The following CNTNAP2 variants were observed in gnomAD, a reference collection of about 807,000 sequenced individuals.
The protein encoded by CNTNAP2 is contactin-associated protein-like 2.
CNTNAP2 carries 98 observed loss-of-function variants against 155.2 expected under a neutral mutation model. The observed-to-expected ratio is 0.63, with a 90% confidence interval of 0.54 to 0.75. The LOEUF is 0.75. Among genes scored for constraint, CNTNAP2 ranks in the 30% least tolerant of loss-of-function variants. The probability of loss-of-function intolerance (pLI) is 0.00; values close to 1 mark genes in which losing one functional copy is unlikely to be tolerated. For missense variants in CNTNAP2, 1,727 were observed against 1,688.1 expected (o/e 1.02, Z -0.40); for synonymous variants, 651 against 631.2 (o/e 1.03, Z -0.47).
At chr7:146,676,715 T>TCTTA (rs1459774074) in intron 1 of CNTNAP2, among the ~76,000 whole-genome samples, 1 of 152,140 alleles carries the variant, frequency 6.6e-6, no homozygotes, top group Non-Finnish European at 1.5e-5. Flanking sequence ...AAAAGGCTCA[T>TCTTA]CTTACATGGT....
intron 3 of CNTNAP2, among the ~76,000 whole-genome samples, chr7:146,915,248 T>A (rs1381837778): frequency 6.6e-6 from 1 of 152,124 alleles, no homozygotes; most frequent in Non-Finnish European, 1.5e-5. Flanking sequence ...GGTAATGTAA[T>A]GCCTCTAGAT....
At chr7:147,205,342 G>T (rs567080755) in intron 8 of CNTNAP2, among the ~76,000 whole-genome samples, 75 of 151,994 alleles carry the variant, frequency 4.9e-4, no homozygotes, top group South Asian at 1.2e-3. Context: ...TGGCTATTCT[G>T]GGTATTTTGT....
At chr7:147,029,439 G>A (rs1449536728) in intron 3 of CNTNAP2, among the ~76,000 whole-genome samples, 1 of 152,120 alleles carries the variant, frequency 6.6e-6, no homozygotes, top group Non-Finnish European at 1.5e-5. Flanking sequence ...GTTTAAGAGA[G>A]CATGGAAGAG....
intron 8 of CNTNAP2, among the ~76,000 whole-genome samples, chr7:147,142,684 A>G (rs573184151): frequency 6.6e-6 from 1 of 152,312 alleles, no homozygotes; most frequent in Non-Finnish European, 1.5e-5. Context: ...GCACACCAAC[A>G]TGGCACATGT....
intron 1 of CNTNAP2, among the ~76,000 whole-genome samples, chr7:146,161,856 C>T (rs1478178668): frequency 6.6e-6 from 1 of 152,062 alleles, no homozygotes; most frequent in African/African-American, 2.4e-5. Flanking sequence ...GAAATAATAC[C>T]ACACATCTAC....
chr7:146,592,387 A>G (rs1291308117), intron 1 of CNTNAP2, among the ~76,000 whole-genome samples: 1 of 152,232 alleles, frequency 6.6e-6, no homozygotes, highest in East Asian at 1.9e-4. Flanking sequence ...TGTGGACCAG[A>G]TGGTCCCAAA....
chr7:147,063,193 A>G (rs1268151242), intron 4 of CNTNAP2, among the ~76,000 whole-genome samples: 1 of 152,220 alleles, frequency 6.6e-6, no homozygotes, highest in Non-Finnish European at 1.5e-5. Context: ...ATGCTCTTCC[A>G]CTATATTACA....
intron 1 of CNTNAP2, among the ~76,000 whole-genome samples, chr7:146,622,711 C>G (rs1226581510): frequency 6.6e-6 from 1 of 152,040 alleles, no homozygotes; most frequent in African/African-American, 2.4e-5. Context: ...AATCCTAGCA[C>G]TTTGGGAGGC....
At chr7:147,135,914 G>C (rs1436662782) in intron 8 of CNTNAP2, among the ~76,000 whole-genome samples, 1 of 151,234 alleles carries the variant, frequency 6.6e-6, no homozygotes, top group Admixed American at 6.6e-5. Flanking sequence ...TTGCCTGGAA[G>C]TATTAACTCC....
At chr7:148,077,770 C>A (rs894989039) in intron 15 of CNTNAP2, among the ~76,000 whole-genome samples, 1 of 152,148 alleles carries the variant, frequency 6.6e-6, no homozygotes, top group Admixed American at 6.5e-5. Context: ...AGAAAATAAA[C>A]AAGGACCTTA....
At chr7:148,243,592 A>G (rs939604424) in intron 20 of CNTNAP2, among the ~76,000 whole-genome samples, 2 of 152,080 alleles carry the variant, frequency 1.3e-5, no homozygotes, top group African/African-American at 2.4e-5. Flanking sequence ...GTGGAGGGGA[A>G]TGCCTCTTTT....
chr7:147,737,721 G>A (rs1386567805), intron 13 of CNTNAP2, among the ~76,000 whole-genome samples: 1 of 152,152 alleles, frequency 6.6e-6, no homozygotes, highest in East Asian at 1.9e-4. Context: ...GCAATGGCGG[G>A]CACCCCTCCC....
intron 13 of CNTNAP2, among the ~76,000 whole-genome samples, chr7:147,725,642 T>C (rs1352418670): frequency 1.3e-5 from 2 of 152,066 alleles, no homozygotes; most frequent in Admixed American, 1.3e-4. Flanking sequence ...TGGTGTCAAC[T>C]GTGAACGTGA....
intron 1 of CNTNAP2, among the ~76,000 whole-genome samples, chr7:146,172,755 T>C (rs1269628507): frequency 6.6e-6 from 1 of 152,222 alleles, no homozygotes; most frequent in Non-Finnish European, 1.5e-5. Flanking sequence ...ATGAGTGGGC[T>C]CTTTCAGAAT....
At chr7:147,817,537 A>G in intron 13 of CNTNAP2, among the ~76,000 whole-genome samples, 1 of 152,210 alleles carries the variant, frequency 6.6e-6, no homozygotes, top group East Asian at 1.9e-4. Flanking sequence ...GATCTCACAA[A>G]TCACCGCTGA....
intron 13 of CNTNAP2, among the ~76,000 whole-genome samples, chr7:147,818,876 C>T (rs1472468142): frequency 6.6e-6 from 1 of 152,140 alleles, no homozygotes; most frequent in African/African-American, 2.4e-5. Flanking sequence ...GTTCTTACTT[C>T]AGAGACAGGG....
At chr7:148,042,152 T>C (rs766489029) in intron 15 of CNTNAP2, among the ~76,000 whole-genome samples, 2 of 152,214 alleles carry the variant, frequency 1.3e-5, no homozygotes, top group Non-Finnish European at 2.9e-5. Context: ...TAACACCAAA[T>C]TGACGATCTT....
At chr7:147,469,218 CA>C (rs1798169865) in intron 10 of CNTNAP2, among the ~76,000 whole-genome samples, 1 of 152,184 alleles carries the variant, frequency 6.6e-6, no homozygotes, top group Admixed American at 6.5e-5. Context: ...ACAAAACCCT[CA>C]AGCCAGCCTA....
intron 12 of CNTNAP2, among the ~76,000 whole-genome samples, chr7:147,573,753 C>T (rs898868107): frequency 5.9e-5 from 9 of 152,170 alleles, no homozygotes; most frequent in Non-Finnish European, 5.9e-5. Context: ...TCATGGACTT[C>T]ATCTTCACCA....
Sources: gnomAD v4.1 joint callset for allele counts (sites outside exome capture counted in the v4.1 genomes callset) on GRCh38, gnomAD v4.1.1 for gene constraint, MANE v1.5 for transcripts, NCBI Gene and HGNC (gene_info 2026-07-23, HGNC 2026-07-21) for gene names.